The following MEI4 variants were observed in gnomAD, a reference collection of about 807,000 sequenced individuals.
MEI4 encodes meiosis-specific protein MEI4.
In MEI4, 27 loss-of-function variants were observed where a neutral mutation model predicts 31.4. That is an observed-to-expected ratio of 0.86 (90% CI 0.63 to 1.19). The LOEUF is 1.19. Ranked by LOEUF, MEI4 falls within the 50% of genes most tolerant of loss-of-function variation. The pLI is 0.00. For synonymous variants in MEI4, 122 were observed against 145.4 expected, an observed-to-expected ratio of 0.84 and a Z score of 1.16; for missense variants, 329 against 398.9, an observed-to-expected ratio of 0.82 and a Z score of 1.49.
chr6:77,792,036 A>T (rs2127696390), intron 3 of MEI4, among the ~76,000 whole-genome samples: 1 of 152,270 alleles, frequency 6.6e-6, no homozygotes, highest in East Asian at 1.9e-4. Context: ...AAGAGAGATT[A>T]TAGGGTATTT....
In MEI4 at chr6:77,819,664, C is replaced by A. The variant is rs555522383; in HGVS notation, c.769-9267C>A. On this transcript the variant is annotated intron_variant, in intron 3 of 4. Coordinates refer to ENST00000684080, the MANE Select transcript of MEI4 (RefSeq NM_001322247.2). ...AAAATACTTTAGGACTGGAATTTGG[C>A]AGATACCTTTCCTTTATTAAAGAGG... Among the ~76,000 whole-genome samples the A allele has an allele frequency of 3.3e-5, 5 of 152,246 alleles. No homozygotes were observed. In the East Asian group the frequency reaches 9.6e-4, roughly 29 times the overall value.
intron 2 of MEI4, among the ~76,000 whole-genome samples, chr6:77,736,162 C>T (rs12192917): frequency 0.17 from 26,484 of 152,034 alleles, 2,884 homozygotes; most frequent in Non-Finnish European, 0.23. Flanking sequence ...TGGGCTCCAC[C>T]GGGTTCGAGC....
chr6:77,890,467 C>A (rs889194128), intron 4 of MEI4, among the ~76,000 whole-genome samples: 2 of 152,148 alleles, frequency 1.3e-5, no homozygotes, highest in Non-Finnish European at 2.9e-5. Flanking sequence ...AAGCCTGTAC[C>A]CCCATTGCTT....
At chr6:77,906,125 C>A (rs1442517825) in intron 4 of MEI4, among the ~76,000 whole-genome samples, 1 of 152,004 alleles carries the variant, frequency 6.6e-6, no homozygotes, top group Non-Finnish European at 1.5e-5. Context: ...TTAAACTGTG[C>A]TGAGCTTCCT....
chr6:77,765,373 C>A (rs1314733232), intron 3 of MEI4, among the ~76,000 whole-genome samples: 2 of 151,232 alleles, frequency 1.3e-5, no homozygotes, highest in East Asian at 3.9e-4. Flanking sequence ...ATTTCATATA[C>A]CCTCATAAAC....
At chr6:77,783,055 T>A (rs1768634129) in intron 3 of MEI4, among the ~76,000 whole-genome samples, 1 of 152,166 alleles carries the variant, frequency 6.6e-6, no homozygotes, top group Non-Finnish European at 1.5e-5. Context: ...ACCTTCTGCA[T>A]GCTCAAGGGA....
chr6:77,697,689 A>C (rs1238213136), intron 2 of MEI4, among the ~76,000 whole-genome samples: 1 of 152,134 alleles, frequency 6.6e-6, no homozygotes, highest in African/African-American at 2.4e-5. Flanking sequence ...ACTTCCAACT[A>C]TGTGGTCAAT....
intron 2 of MEI4, among the ~76,000 whole-genome samples, chr6:77,736,730 C>G (rs1028333482): frequency 6.6e-6 from 1 of 152,040 alleles, no homozygotes. Flanking sequence ...AAGCCCTGCC[C>G]ATAGCATCAC....
chr6:77,899,004 G>A (rs1053036989), intron 4 of MEI4, among the ~76,000 whole-genome samples: 5 of 152,002 alleles, frequency 3.3e-5, no homozygotes, highest in Non-Finnish European at 7.4e-5. Flanking sequence ...ATACTGGGCT[G>A]CACATTGCCA....
At chr6:77,673,065 T>G (rs936391522) in intron 1 of MEI4, among the ~76,000 whole-genome samples, 1 of 152,214 alleles carries the variant, frequency 6.6e-6, no homozygotes, top group African/African-American at 2.4e-5. Flanking sequence ...CAGAATTGAC[T>G]AATTGTTCTT....
chr6:77,702,558 C>T (rs1400959386), intron 2 of MEI4, among the ~76,000 whole-genome samples: 3 of 152,176 alleles, frequency 2.0e-5, no homozygotes, highest in Non-Finnish European at 4.4e-5. Flanking sequence ...CTGCATTTCT[C>T]TCCATTCCTG....
chr6:77,730,843 G>C lies in MEI4; in HGVS notation c.233-30287G>C, dbSNP rs578234120. On this transcript the variant is annotated intron_variant, in intron 2 of 4. Coordinates refer to ENST00000684080, the MANE Select transcript of MEI4 (RefSeq NM_001322247.2). ...CTTCCTGTGTCCCTGTGTTCTCATT[G>C]TTCAATTCCCGCCTATGAGTGAGAA... 2.9e-4 allele frequency among the ~76,000 whole-genome samples: 41 copies of C among 142,010 alleles called. 1 individual carries two copies. The South Asian group carries it at 8.7e-3, about 30-fold the overall frequency. 93.2% of individuals were successfully genotyped at this position (142,010 alleles called of 152,430 possible).
intron 3 of MEI4, among the ~76,000 whole-genome samples, chr6:77,801,157 C>T (rs972775378): frequency 1.6e-4 from 25 of 152,268 alleles, no homozygotes; most frequent in African/African-American, 6.0e-4. Context: ...TTAATTATTG[C>T]CTCAATTTCA....
chr6:77,783,774 C>T (rs1768656940), intron 3 of MEI4, among the ~76,000 whole-genome samples: 2 of 151,988 alleles, frequency 1.3e-5, no homozygotes, highest in Admixed American at 6.6e-5. Context: ...TTCATGATTT[C>T]AAATAAAATC....
chr6:77,884,396 G>A (rs1771572343), intron 4 of MEI4, among the ~76,000 whole-genome samples: 1 of 151,978 alleles, frequency 6.6e-6, no homozygotes. Flanking sequence ...TTTGTTGCTT[G>A]TGATTTTGAA....
At chr6:77,764,057 C>G (rs1486590767) in intron 3 of MEI4, among the ~76,000 whole-genome samples, 1 of 152,052 alleles carries the variant, frequency 6.6e-6, no homozygotes, top group Admixed American at 6.6e-5. Flanking sequence ...CGTGATCTGC[C>G]CACTTCGGTC....
chr6:77,660,582 G>A (rs1028870692), intron 1 of MEI4, among the ~76,000 whole-genome samples: 9 of 151,784 alleles, frequency 5.9e-5, no homozygotes, highest in African/African-American at 2.2e-4. Flanking sequence ...AAGTGGTGGG[G>A]GTGACTTCGT....
At chr6:77,793,333 G>A (rs543978341) in intron 3 of MEI4, among the ~76,000 whole-genome samples, 57 of 152,174 alleles carry the variant, frequency 3.7e-4, no homozygotes, top group South Asian at 6.2e-4. Context: ...GATAAAGAGA[G>A]TCCCAAAGAA....
In MEI4 at chr6:77,885,678, G is replaced by T. The variant is rs918679287; in HGVS notation, c.901-37411G>T. ...CATTTTATTTCTTCCTTGTCTGATT[G>T]CTCTGTCTAGAACTTCCAGTACTAT... On this transcript the variant is annotated intron_variant, in intron 4 of 4. Transcript: ENST00000684080. 8.6e-5 allele frequency among the ~76,000 whole-genome samples: 13 copies of T among 151,962 alleles called. No homozygotes were observed. In the East Asian group the frequency reaches 2.1e-3, roughly 25 times the overall value.
Sources: allele counts gnomAD v4.1 joint callset (sites outside exome capture counted in the v4.1 genomes callset), GRCh38; gene constraint gnomAD v4.1.1; transcripts MANE v1.5; gene names NCBI Gene and HGNC (gene_info 2026-07-23, HGNC 2026-07-21).